The following CALCOCO1 variants were observed in gnomAD, a reference collection of about 807,000 sequenced individuals.
CALCOCO1 encodes the protein calcium-binding and coiled-coil domain-containing protein 1.
CALCOCO1 carries 44 observed loss-of-function variants against 86.3 expected under a neutral mutation model. The observed-to-expected ratio is 0.51, with a 90% CI of 0.40 to 0.66. The LOEUF (loss-of-function observed/expected upper bound fraction) is 0.66. CALCOCO1 is among the 30% of genes least tolerant of loss of function. The probability of loss-of-function intolerance (pLI) is 0.00; values close to 1 mark genes in which losing one functional copy is unlikely to be tolerated. For synonymous variants in CALCOCO1, 297 were observed against 327.6 expected (o/e 0.91, Z 1.01); for missense variants, 708 against 851.1 (o/e 0.83, Z 2.09).
Position 53,719,778 on chromosome 12 carries a change from C to T in CALCOCO1, c.810G>A (p.Gly270=). The T allele has an allele frequency of 6.2e-7, 1 of 1,613,864 alleles. No individual in the cohort carries two copies. The highest frequency in any genetic ancestry group is 2.2e-5 in the East Asian group (1 of 44,866). ...TGTCTGCTTGTACTTCTTTCAGTTG[C>T]CCAAGGAGCTTCTCTTGTTCCCGAG... is the stretch of plus-strand genomic sequence containing the variant. ...ALTREQEKLL[G]QLKEVQADKE... is the part of the protein sequence containing the mutation. Residue 270 remains glycine (G), a synonymous_variant, in exon 7 of 15, where the codon GGG becomes GGA. Transcript: ENST00000550804.
rs749011290 is a variant in CALCOCO1, at chr12:53,712,112, T to C, written c.1908A>G (p.Thr636=). Residue 636 remains threonine (T), a synonymous_variant, in exon 15 of 15, where the codon ACA becomes ACG. Transcript: ENST00000550804. ...TGCTGGTTTCTGACAGGGTACCCACTGTAAAGCCACTAAGAGAGACAGAGG... is the reference window on the plus strand; with the variant it reads ...TGCTGGTTTCTGACAGGGTACCCACCGTAAAGCCACTAAGAGAGACAGAGG... ...SAFYDMASGF[T]VGTLSETSTG... 5.0e-6 allele frequency: 8 copies of C among 1,601,876 alleles called. No homozygotes were observed. Among genetic ancestry groups the C allele is most frequent in the South Asian group, 1.1e-5 (1 of 89,310 alleles).
At chr12:53,724,985 T>C (rs1945984592) in intron 2 of CALCOCO1, 102 bp downstream of exon 2, 1 of 1,300,300 alleles carries the variant, frequency 7.7e-7, no homozygotes, top group Non-Finnish European at 1.1e-6. Context: ...TCTCTCTTCT[T>C]CTCTATCAAC....
chr12:53,715,782 C>A lies in CALCOCO1; in HGVS notation c.1260+11G>T. ...GGCCATCAGATTGCCAGGTACCCCC[C>A]ATCCCTCTACCTCCACACTCTGCAG... On this transcript the variant is annotated intron_variant, in intron 9 of 14. Coordinates refer to ENST00000550804, the MANE Select transcript of CALCOCO1 (RefSeq NM_020898.3). 6.2e-7 allele frequency: 1 copy of A among 1,606,478 alleles called. No homozygotes were observed. Among genetic ancestry groups the A allele is most frequent in the Non-Finnish European group, 8.5e-7 (1 of 1,178,308 alleles).
At chr12:53,718,938 C>T (rs1371059860) in intron 7 of CALCOCO1, among the ~76,000 whole-genome samples, 7 of 149,540 alleles carry the variant, frequency 4.7e-5, no homozygotes, top group Admixed American at 1.3e-4. Flanking sequence ...ATTTCTGCCT[C>T]CCGGGTTCAA....
At chr12:53,713,954 G>C in intron 12 of CALCOCO1, 54 bp from the exon 13 acceptor site, 1 of 1,474,086 alleles carries the variant, frequency 6.8e-7, no homozygotes, top group Non-Finnish European at 9.2e-7. Flanking sequence ...TGAGGAGTTG[G>C]ACCAGCTGTC....
At position 53,713,785 on chromosome 12, in the gene CALCOCO1, C is replaced by A. The variant is rs1381183801; in HGVS notation, c.1707G>T (p.Glu569Asp). Residue 569 changes from glutamate to aspartate, a missense_variant, in exon 13 of 15, where the codon GAG (glutamate) becomes GAT (aspartate). Transcript: ENST00000550804. ...DPGSSPAGPREASPLVVISQP... is the reference protein window; with the variant it reads ...DPGSSPAGPRDASPLVVISQP... ...GGCTGATGACAACAAGGGGAGAAGC[C>A]TCTCGAGGCCCAGCAGGAGAGGAGC... 1 of 1,604,058 alleles carries A rather than the reference C, an allele frequency of 6.2e-7. No individual in the cohort carries two copies. The highest frequency in any genetic ancestry group is 1.7e-5 in the Admixed American group (1 of 58,280).
rs1945584408 is a variant in CALCOCO1, at chr12:53,712,304, C to T, written c.1899-183G>A. On this transcript the variant is annotated intron_variant, in intron 14 of 14. Coordinates refer to ENST00000550804, the MANE Select transcript of CALCOCO1 (RefSeq NM_020898.3). ...TCCTGGAAGGCTTATTTTTCCAGTT[C>T]CCCATGTCCTCTCTTCTTTAGTCCC... The T allele has an allele frequency of 1.9e-5, 11 of 584,490 alleles. No homozygotes were observed. The South Asian group carries it at 2.3e-4, about 12-fold the overall frequency. The allele number at this position is 584,490 out of a possible 1,614,324, so 36.2% of individuals were successfully genotyped here.
In CALCOCO1 at chr12:53,723,742, G is replaced by A. The variant is rs772106085; in HGVS notation, c.301C>T (p.Arg101Ter). ...PKPGAQLYQF[R>*]YVNRQGQVCG... ...ACCTGGCCCTGGCGGTTCACATATC[G>A]GAACTGGTAGAGCTGAGCTCCTGGT... The change falls in exon 4 of 15, where the codon CGA (arginine) becomes TGA (stop). Residue 101 changes from arginine to a stop codon, truncating the protein, a stop_gained. Coordinates refer to ENST00000550804, the MANE Select transcript of CALCOCO1 (RefSeq NM_020898.3). LOFTEE classifies it high-confidence loss of function. The A allele has an allele frequency of 1.9e-6, 3 of 1,613,998 alleles. No homozygotes were observed. Among genetic ancestry groups the A allele is most frequent in the African/African-American group, 2.7e-5 (2 of 74,900 alleles).
intron 2 of CALCOCO1, 28 bp downstream of exon 2, chr12:53,725,059 C>T (rs771236361): frequency 5.1e-6 from 8 of 1,557,106 alleles, no homozygotes; most frequent in Admixed American, 3.9e-5. Context: ...AGCCCATAAA[C>T]CTAAGCCAAA....
chr12:53,713,577 G>T, intron 13 of CALCOCO1, 124 bp downstream of exon 13: 1 of 885,694 alleles, frequency 1.1e-6, no homozygotes, highest in Non-Finnish European at 1.7e-6. Context: ...GAGGTGGGAG[G>T]ATCGCTTCAG....
At chr12:53,718,840 CT>C (rs35114054) in intron 7 of CALCOCO1, among the ~76,000 whole-genome samples, 7,946 of 75,938 alleles carry the variant, frequency 0.1, 91 homozygotes, top group East Asian at 0.22. Context: ...ATGGCCCTCC[CT>C]TTTTTTTTTT....
At position 53,711,568 on chromosome 12, in the gene CALCOCO1, G is replaced by A. The variant is rs1395065730; in HGVS notation, c.*376C>T. Reference sequence around the variant, plus strand: ...AGGGTGCCCCAGGAATTGGCTTTGGGGCATCAGACAAGGGAGTGTGAGTGT... The same window carrying A: ...AGGGTGCCCCAGGAATTGGCTTTGGAGCATCAGACAAGGGAGTGTGAGTGT... On this transcript the variant is annotated 3_prime_UTR_variant, in exon 15 of 15. Coordinates refer to ENST00000550804, the MANE Select transcript of CALCOCO1 (RefSeq NM_020898.3). 3.4e-6 allele frequency: 1 copy of A among 291,030 alleles called. No homozygotes were observed. The highest frequency in any genetic ancestry group is 2.2e-5 in the African/African-American group (1 of 45,942). The allele number at this position is 291,030 out of a possible 1,614,324, so 18.0% of individuals were successfully genotyped here.
chr12:53,724,641 G>C lies in CALCOCO1; in HGVS notation c.259+4C>G. The C allele has an allele frequency of 6.2e-7, 1 of 1,611,568 alleles. No individual in the cohort carries two copies. The highest frequency in any genetic ancestry group is 8.5e-7 in the Non-Finnish European group (1 of 1,177,984). ...CTCTCCCAATTTTCCATCTTCCCTT[G>C]TACCTTGGAACTGGACACTGGTGTG... On this transcript the variant is annotated splice_donor_region_variant and intron_variant, in intron 3 of 14. Coordinates refer to ENST00000550804, the MANE Select transcript of CALCOCO1 (RefSeq NM_020898.3).
At position 53,713,822 on chromosome 12, in the gene CALCOCO1, C is replaced by CG. The variant is rs767996532; in HGVS notation, c.1669dup (p.Arg557ProfsTer35). On this transcript the variant is annotated frameshift_variant, in exon 13 of 15. Transcript: ENST00000550804. LOFTEE classifies it high-confidence loss of function. ...AGCAGGAGAGGAGCCTGGGTCTCCA[C>CG]GCTCACAAAGGCCATAGGGTGGGAG... The CG allele has an allele frequency of 6.4e-7, 1 of 1,568,920 alleles. No individual in the cohort carries two copies. The highest frequency in any genetic ancestry group is 1.2e-5 in the South Asian group (1 of 83,482).
At chr12:53,712,714 G>T (rs1945598717) in intron 14 of CALCOCO1, 3 of 943,292 alleles carry the variant, frequency 3.2e-6, no homozygotes, top group Non-Finnish European at 4.3e-6. Context: ...TCTTCTCTCT[G>T]CTCCTATCCC....
At chr12:53,712,200 C>A (rs1240801449) in intron 14 of CALCOCO1, 79 bp from the exon 15 acceptor site, 2 of 1,321,878 alleles carry the variant, frequency 1.5e-6, no homozygotes, top group East Asian at 5.1e-5. Flanking sequence ...GAGAGCAGGA[C>A]CCATGTGCCT....
chr12:53,710,904 C>T lies in CALCOCO1; in HGVS notation c.*1040G>A, dbSNP rs1393388601. ...GAGTTTGCTCCCTCCCCAACTGCCGCATTATCCAAGCCAGACTCCCACTTG... is the reference window on the plus strand; with the variant it reads ...GAGTTTGCTCCCTCCCCAACTGCCGTATTATCCAAGCCAGACTCCCACTTG... On this transcript the variant is annotated 3_prime_UTR_variant, in exon 15 of 15. Coordinates refer to ENST00000550804, the MANE Select transcript of CALCOCO1 (RefSeq NM_020898.3). 9.0e-6 allele frequency: 2 copies of T among 222,492 alleles called. No homozygotes were observed. 13.8% of individuals were successfully genotyped at this position (222,492 alleles called of 1,614,324 possible). A position where few individuals can be genotyped will look rare whatever the true frequency, so the allele number is the denominator to read the frequency against.
chr12:53,725,630 C>T (rs73104022), intron 1 of CALCOCO1: 10,559 of 157,980 alleles, frequency 0.067, 481 homozygotes, highest in Non-Finnish European at 0.099. Flanking sequence ...CACATCCTGG[C>T]TCTTGAATAC....
At position 53,722,019 on chromosome 12, in the gene CALCOCO1, T is replaced by C. The variant is rs773590347; in HGVS notation, c.609+6A>G. On this transcript the variant is annotated splice_donor_region_variant and intron_variant, in intron 5 of 14. Coordinates refer to ENST00000550804, the MANE Select transcript of CALCOCO1 (RefSeq NM_020898.3). ...GGCCCTGTCCCCTACCTGGCCCAGCTCCCACCTTGTACTGTTCCATCAGCT... is the reference window on the plus strand; with the variant it reads ...GGCCCTGTCCCCTACCTGGCCCAGCCCCCACCTTGTACTGTTCCATCAGCT... The C allele has an allele frequency of 6.2e-7, 1 of 1,612,454 alleles. No individual in the cohort carries two copies. The highest frequency in any genetic ancestry group is 1.7e-5 in the Admixed American group (1 of 60,016).
Sources: allele counts gnomAD v4.1 joint callset (sites outside exome capture counted in the v4.1 genomes callset), GRCh38; gene constraint gnomAD v4.1.1; transcripts MANE v1.5; gene names NCBI Gene and HGNC (gene_info 2026-07-23, HGNC 2026-07-21).